The following LMX1A variants were observed in gnomAD, a reference collection of about 807,000 sequenced individuals.
The protein encoded by LMX1A is LIM homeobox transcription factor 1 alpha.
A neutral mutation model predicts 49.1 loss-of-function variants in LMX1A; 15 were observed. That is an observed-to-expected ratio of 0.31 (90% CI 0.20 to 0.47). The LOEUF (loss-of-function observed/expected upper bound fraction) is 0.47. Ranked by LOEUF, LMX1A falls within the 20% of genes least tolerant of loss-of-function variation. The pLI, the probability that LMX1A is intolerant of heterozygous loss-of-function variation, is 1.00. For synonymous variants in LMX1A, 167 were observed against 185.7 expected (o/e 0.90, Z 0.82); for missense variants, 372 against 475.8 (o/e 0.78, Z 2.03).
intron 3 of LMX1A, among the ~76,000 whole-genome samples, chr1:165,309,705 A>C (rs915139452): frequency 6.6e-6 from 1 of 152,226 alleles, no homozygotes; most frequent in Non-Finnish European, 1.5e-5. Flanking sequence ...ATGCTCAAGA[A>C]GACCAGTGAA....
chr1:165,319,030 C>G, intron 3 of LMX1A, among the ~76,000 whole-genome samples: 1 of 142,094 alleles, frequency 7.0e-6, no homozygotes, highest in East Asian at 1.9e-4. Flanking sequence ...CACACACACA[C>G]ACACACACAC....
chr1:165,232,782 C>T (rs1652280245), intron 4 of LMX1A, among the ~76,000 whole-genome samples: 1 of 152,152 alleles, frequency 6.6e-6, no homozygotes, highest in Non-Finnish European at 1.5e-5. Flanking sequence ...AACCAAAACT[C>T]CCTCTGGTCA....
chr1:165,249,550 G>T lies in LMX1A; in HGVS notation c.354C>A (p.Ser118Arg), dbSNP rs773622470. 7.4e-6 allele frequency: 12 copies of T among 1,614,162 alleles called. 1 individual carries two copies. The South Asian group carries it at 1.3e-4, about 18-fold the overall frequency. Residue 118 changes from serine (S) to arginine (R), a missense_variant, in exon 4 of 9, where the codon AGC becomes AGA. Physicochemically the swap from Ser to Arg is moderately radical, Grantham distance 110. Around this residue, in one of 3 missense-constraint regions of LMX1A, gnomAD observed 199 missense variants for 244.0 expected, o/e 0.82. Coordinates refer to ENST00000342310, the MANE Select transcript of LMX1A (RefSeq NM_177398.4). ...GCTCGCAGACACAGCAGCAGAAGCA[G>T]CTCAGGTGGTATACACTCTTCTGGG... ...MRAQKSVYHLSCFCCCVCERQ... is the reference protein window; with the variant it reads ...MRAQKSVYHLRCFCCCVCERQ...
chr1:165,240,772 G>C (rs1456172093), intron 4 of LMX1A, among the ~76,000 whole-genome samples: 1 of 152,126 alleles, frequency 6.6e-6, no homozygotes, highest in Non-Finnish European at 1.5e-5. Flanking sequence ...AGTTGCAAGA[G>C]AAAAGTCAAG....
intron 4 of LMX1A, among the ~76,000 whole-genome samples, chr1:165,233,413 C>T (rs1652307273): frequency 1.3e-5 from 2 of 152,144 alleles, no homozygotes; most frequent in Non-Finnish European, 1.5e-5. Context: ...AGTGATTGTG[C>T]CACTGCACTC....
intron 3 of LMX1A, among the ~76,000 whole-genome samples, chr1:165,350,173 CAAAAAAAAAAA>C (rs60150264): frequency 7.7e-4 from 62 of 80,238 alleles, no homozygotes; most frequent in African/African-American, 2.4e-3. Flanking sequence ...AAAGATCCAC[CAAAAAAAAAAA>C]AAAAAAAAAA....
intron 2 of LMX1A, among the ~76,000 whole-genome samples, chr1:165,353,848 G>A (rs1165768840): frequency 6.6e-6 from 1 of 152,166 alleles, no homozygotes; most frequent in Non-Finnish European, 1.5e-5. Flanking sequence ...CGTCTTGACT[G>A]GCATGCATAT....
intron 4 of LMX1A, among the ~76,000 whole-genome samples, chr1:165,234,040 T>C (rs1240409163): frequency 6.6e-6 from 1 of 152,162 alleles, no homozygotes; most frequent in Non-Finnish European, 1.5e-5. Flanking sequence ...ACAGACTGAA[T>C]AACATCACAA....
chr1:165,293,747 C>T (rs1654542340), intron 3 of LMX1A, among the ~76,000 whole-genome samples: 1 of 152,188 alleles, frequency 6.6e-6, no homozygotes, highest in Admixed American at 6.5e-5. Context: ...TGCTTTCTTG[C>T]TGTGTCTTCA....
chr1:165,208,184 C>T (rs1410624004), intron 6 of LMX1A, 52 bp from the exon 7 acceptor site: 1 of 1,556,012 alleles, frequency 6.4e-7, no homozygotes. Flanking sequence ...GCAGCATGTT[C>T]ACAAAGTAAG....
At chr1:165,283,204 C>T (rs941282040) in intron 3 of LMX1A, among the ~76,000 whole-genome samples, 14 of 152,220 alleles carry the variant, frequency 9.2e-5, no homozygotes, top group African/African-American at 3.4e-4. Context: ...CATGTTGTTA[C>T]AACTGCCTAC....
intron 3 of LMX1A, among the ~76,000 whole-genome samples, chr1:165,271,981 A>G (rs1653807776): frequency 1.3e-5 from 2 of 152,202 alleles, no homozygotes; most frequent in Non-Finnish European, 2.9e-5. Flanking sequence ...GACAGCACAG[A>G]TAGAGGACAT....
intron 3 of LMX1A, among the ~76,000 whole-genome samples, chr1:165,332,582 G>A (rs1478662959): frequency 6.6e-6 from 1 of 151,994 alleles, no homozygotes; most frequent in African/African-American, 2.4e-5. Flanking sequence ...ATATTTTTAT[G>A]TTCAGGATAC....
chr1:165,233,485 A>C (rs1652309721), intron 4 of LMX1A, among the ~76,000 whole-genome samples: 1 of 152,206 alleles, frequency 6.6e-6, no homozygotes, highest in African/African-American at 2.4e-5. Context: ...ACCCAGTTTT[A>C]AACCCTCAGC....
chr1:165,355,362 T>C lies in LMX1A; in HGVS notation c.76+122A>G, dbSNP rs1371527732. 1 of 865,536 alleles carries C rather than the reference T, an allele frequency of 1.2e-6. No homozygotes were observed. Among genetic ancestry groups the C allele is most frequent in the Non-Finnish European group, 1.8e-6 (1 of 542,326 alleles). 53.6% of individuals were successfully genotyped at this position (865,536 alleles called of 1,614,324 possible). A position where few individuals can be genotyped will look rare whatever the true frequency, so the allele number is the denominator to read the frequency against. On this transcript the variant is annotated intron_variant, in intron 2 of 8. Transcript: ENST00000342310. The surrounding 1 kb of genome is among the most constrained non-coding windows in gnomAD (Gnocchi z 4.7). Reference sequence around the variant, plus strand: ...ACGGACAGATAGTGATGGGGCTCAATTTAGTGTATGAAGAGGGGCGCTAGC... The same window carrying C: ...ACGGACAGATAGTGATGGGGCTCAACTTAGTGTATGAAGAGGGGCGCTAGC...
chr1:165,314,645 C>A lies in LMX1A; in HGVS notation c.263+38431G>T, dbSNP rs185673054. Among the ~76,000 whole-genome samples, 440 of 152,044 alleles carry A rather than the reference C, an allele frequency of 2.9e-3. 4 individuals carry two copies. Among genetic ancestry groups the A allele is most frequent in the African/African-American group, 9.5e-3 (393 of 41,464 alleles). On this transcript the variant is annotated intron_variant, in intron 3 of 8. Coordinates refer to ENST00000342310, the MANE Select transcript of LMX1A (RefSeq NM_177398.4). ...TTACCTCTCATTCTGTAGATCCCAT[C>A]CCTTTTCTCTTTTTTTAGTCTCTCA...
intron 3 of LMX1A, among the ~76,000 whole-genome samples, chr1:165,347,659 T>A (rs1656291867): frequency 6.6e-6 from 1 of 152,278 alleles, no homozygotes; most frequent in South Asian, 2.1e-4. Context: ...GTGATTGCAC[T>A]TTTTTCTTCA....
intron 4 of LMX1A, among the ~76,000 whole-genome samples, chr1:165,214,555 G>A (rs1651570117): frequency 6.6e-6 from 1 of 152,178 alleles, no homozygotes. Context: ...TACCAGTACG[G>A]CACTGAGTGC....
At chr1:165,329,662 G>A (rs1348921543) in intron 3 of LMX1A, among the ~76,000 whole-genome samples, 1 of 150,064 alleles carries the variant, frequency 6.7e-6, no homozygotes. Context: ...TGATATGGGT[G>A]AATAAGAGGT....
Sources: allele counts gnomAD v4.1 joint callset (sites outside exome capture counted in the v4.1 genomes callset), GRCh38; gene constraint gnomAD v4.1.1; regional missense constraint gnomAD v4.1.1; non-coding constraint Gnocchi (gnomAD v3.1); transcripts MANE v1.5; gene names NCBI Gene and HGNC (gene_info 2026-07-23, HGNC 2026-07-21).